Variants in SLC30A5 observed in about 807,000 individuals in gnomAD.
SLC30A5 encodes the protein solute carrier family 30 member 5, also known as proton-coupled zinc antiporter SLC30A5.
Under a neutral mutation model 79.6 loss-of-function variants are expected in SLC30A5, and 33 were observed. That is an observed-to-expected ratio of 0.41 (90% CI 0.31 to 0.55). The LOEUF (loss-of-function observed/expected upper bound fraction) is 0.55. Among genes scored for constraint, SLC30A5 ranks in the 20% least tolerant of loss-of-function variants. The pLI, the probability that SLC30A5 is intolerant of heterozygous loss-of-function variation, is 0.20. For missense variants in SLC30A5, 788 were observed against 928.1 expected, an observed-to-expected ratio of 0.85 and a Z score of 1.96; for synonymous variants, 299 against 319.7, an observed-to-expected ratio of 0.94 and a Z score of 0.69.
intron 13 of SLC30A5, among the ~76,000 whole-genome samples, chr5:69,122,584 A>G (rs140099108): frequency 0.016 from 2,395 of 152,230 alleles, 50 homozygotes; most frequent in African/African-American, 0.054. Context: ...AACCTGGGAG[A>G]TGGAGGTTGC....
At chr5:69,100,753 G>A (rs12522805) in intron 1 of SLC30A5, 54 bp from the exon 2 acceptor site, 382,067 of 1,479,788 alleles carry the variant, frequency 0.26, 50,687 homozygotes, top group Middle Eastern at 0.35. Flanking sequence ...CCAGATTGAT[G>A]AGCTGCTTGT....
At chr5:69,095,777 A>C (rs1745710027) in intron 1 of SLC30A5, among the ~76,000 whole-genome samples, 1 of 151,996 alleles carries the variant, frequency 6.6e-6, no homozygotes, top group South Asian at 2.1e-4. Context: ...GTTTCATATC[A>C]GGCCGGTCGC....
rs1317536081 is a variant in SLC30A5 at position 69,115,365 on chromosome 5, T to C, written c.741T>C (p.Leu247=). ...CTTTATCTCATCTTGTTTCTGTGCT[T>C]CTCTTGTGCCCATGGGTCATTGTTC... The part of the protein sequence containing the change: ...LQALSHLVSV[L]LLCPWVIVLS... The change falls in exon 8 of 16, where the codon CTT becomes CTC. Residue 247 remains leucine (L), a synonymous_variant. Transcript: ENST00000396591. 1 of 1,614,020 alleles carries C rather than the reference T, an allele frequency of 6.2e-7. No individual in the cohort carries two copies.
At chr5:69,123,107 A>G in intron 13 of SLC30A5, 92 bp from the exon 14 acceptor site, 1 of 809,184 alleles carries the variant, frequency 1.2e-6, no homozygotes, top group East Asian at 2.7e-5. Context: ...TATGTGGTGC[A>G]CAGTAGGTAT....
intron 1 of SLC30A5, among the ~76,000 whole-genome samples, chr5:69,095,053 C>T (rs1362624587): frequency 6.6e-6 from 1 of 152,130 alleles, no homozygotes; most frequent in Non-Finnish European, 1.5e-5. Flanking sequence ...AAATACAGCC[C>T]TGCAATTTGG....
At position 69,116,446 on chromosome 5, in the gene SLC30A5, T is replaced by C. The variant is rs1209046903; in HGVS notation, c.1125T>C (p.Ile375=). 1 of 1,612,266 alleles carries C rather than the reference T, an allele frequency of 6.2e-7. No homozygotes were observed. Among genetic ancestry groups the C allele is most frequent in the Admixed American group, 1.7e-5 (1 of 59,546 alleles). The change falls in exon 10 of 16, where the codon ATT becomes ATC. Residue 375 remains isoleucine, a synonymous_variant. Transcript: ENST00000396591. The surrounding 1 kb of genome is among the most constrained non-coding windows in gnomAD (Gnocchi z 4.0). ...AGAGAGGACAAAAAGGTACCCTTAT[T>C]GGATATTCTCCTGAAGGAACACCTC... The part of the protein sequence containing the change: ...PSKRGQKGTL[I]GYSPEGTPLY...
At chr5:69,103,195 A>AT in intron 3 of SLC30A5, 67 bp downstream of exon 3, 1 of 777,204 alleles carries the variant, frequency 1.3e-6, no homozygotes, top group Non-Finnish European at 2.2e-6. Flanking sequence ...GGCAATGCTT[A>AT]TTTTTTATAA....
At chr5:69,124,112 C>CAAAA (rs1235473113) in intron 14 of SLC30A5, among the ~76,000 whole-genome samples, 1,478 of 94,512 alleles carry the variant, frequency 0.016, 82 homozygotes, top group African/African-American at 0.057. Flanking sequence ...GACTCCACCT[C>CAAAA]AAAAAAAAAA....
intron 4 of SLC30A5, 24 bp downstream of exon 4, chr5:69,104,740 ATG>A (rs1273402782): frequency 1.3e-6 from 2 of 1,595,420 alleles, no homozygotes; most frequent in East Asian, 4.5e-5. Flanking sequence ...CATATTTTGA[ATG>A]TGTGTTTGTA....
chr5:69,125,865 C>A (rs1372661836), intron 14 of SLC30A5, among the ~76,000 whole-genome samples: 5 of 64,812 alleles, frequency 7.7e-5, no homozygotes, highest in African/African-American at 3.6e-4. Context: ...AGCGAGACTC[C>A]GTCTCAAAAA....
intron 1 of SLC30A5, among the ~76,000 whole-genome samples, chr5:69,098,636 GTAGAAGGCAC>G (rs1745815258): frequency 6.6e-6 from 1 of 152,186 alleles, no homozygotes; most frequent in South Asian, 2.1e-4. Flanking sequence ...TATCTACTAT[GTAGAAGGCAC>G]TATACATGGG....
Position 69,116,602 on chromosome 5 carries a change from G to A in SLC30A5, c.1281G>A (p.Leu427=), listed in dbSNP as rs748759739. ...RQIFYFLCLN[L]LFTFVELFYG... Reference sequence around the variant, plus strand: ...TCTTTTACTTCTTGTGCTTGAATCTGGTAAGATTTTTAAATGTTAATTGAC... The same window carrying A: ...TCTTTTACTTCTTGTGCTTGAATCTAGTAAGATTTTTAAATGTTAATTGAC... Residue 427 remains leucine, a splice_region_variant and synonymous_variant, in exon 10 of 16, where the codon CTG becomes CTA. Coordinates refer to ENST00000396591, the MANE Select transcript of SLC30A5 (RefSeq NM_022902.5). This position sits in a 1 kb window ranked among gnomAD's most constrained non-coding sequence, Gnocchi z 4.0. The A allele has an allele frequency of 2.6e-6, 4 of 1,524,736 alleles. No homozygotes were observed. The highest frequency in any genetic ancestry group is 8.8e-7 in the Non-Finnish European group (1 of 1,138,134). 94.5% of individuals were successfully genotyped at this position (1,524,736 alleles called of 1,614,324 possible).
chr5:69,123,481 C>G, intron 14 of SLC30A5, 56 bp downstream of exon 14: 1 of 1,380,206 alleles, frequency 7.2e-7, no homozygotes, highest in South Asian at 1.2e-5. Flanking sequence ...TTTTTGAAGT[C>G]TTTGCTGGAA....
At chr5:69,129,034 G>A (rs1182358006) in intron 15 of SLC30A5, among the ~76,000 whole-genome samples, 1 of 152,064 alleles carries the variant, frequency 6.6e-6, no homozygotes, top group African/African-American at 2.4e-5. Flanking sequence ...TCACTATGTT[G>A]CCCAGGCTGG....
chr5:69,113,166 T>C lies in SLC30A5; in HGVS notation c.474T>C (p.Ile158=). The C allele has an allele frequency of 6.2e-7, 1 of 1,613,192 alleles. No individual in the cohort carries two copies. Among genetic ancestry groups the C allele is most frequent in the South Asian group, 1.1e-5 (1 of 90,772 alleles). The change falls in exon 6 of 16, where the codon ATT becomes ATC. Residue 158 remains isoleucine (I), a synonymous_variant. Transcript: ENST00000396591. The stretch of plus-strand genomic sequence containing the variant: ...CAAGGGGAGCTGCTTTTTTCATTAT[T>C]GCTGTGATCTGTTTATTGCTTTTTG... ...AKTRGAAFFI[I]AVICLLLFDN...
chr5:69,095,374 G>A (rs1745696172), intron 1 of SLC30A5, among the ~76,000 whole-genome samples: 1 of 151,850 alleles, frequency 6.6e-6, no homozygotes. Flanking sequence ...CTAATGTTTT[G>A]TATTTTTAGT....
chr5:69,108,789 T>TCC (rs1484786176), intron 5 of SLC30A5, among the ~76,000 whole-genome samples: 4 of 127,532 alleles, frequency 3.1e-5, no homozygotes, highest in Non-Finnish European at 4.7e-5. Context: ...GCCACTGCAC[T>TCC]CCAACCTGGG....
Position 69,113,127 on chromosome 5 carries a change from T to C in SLC30A5, c.448-13T>C, listed in dbSNP as rs1430367716. On this transcript the variant is annotated splice_polypyrimidine_tract_variant and intron_variant, in intron 5 of 15. Transcript: ENST00000396591. ...GAAAAAGTCATCCTTGATGTTGTTT[T>C]CTTTATTTTCAGACAAGGGGAGCTG... 2.5e-6 allele frequency: 4 copies of C among 1,608,096 alleles called. No homozygotes were observed. The Admixed American group carries it at 6.7e-5, about 27-fold the overall frequency.
chr5:69,109,223 A>G (rs1173061981), intron 5 of SLC30A5, among the ~76,000 whole-genome samples: 4 of 152,304 alleles, frequency 2.6e-5, no homozygotes, highest in East Asian at 3.9e-4. Context: ...CACAAAGGCT[A>G]AATGCTCGAG....
Sources: allele counts gnomAD v4.1 joint callset (sites outside exome capture counted in the v4.1 genomes callset), GRCh38; gene constraint gnomAD v4.1.1; non-coding constraint Gnocchi (gnomAD v3.1); transcripts MANE v1.5; gene names NCBI Gene and HGNC (gene_info 2026-07-23, HGNC 2026-07-21).